KLRG1: variants seen among roughly 807,000 people sequenced by gnomAD.
KLRG1 encodes the protein killer cell lectin-like receptor subfamily G member 1.
Under a neutral mutation model 21.8 loss-of-function variants are expected in KLRG1, and 16 were observed. That is an observed-to-expected ratio of 0.73 (90% CI 0.50 to 1.11). The LOEUF (loss-of-function observed/expected upper bound fraction) is 1.11. Ranked by LOEUF, KLRG1 falls within the 50% of genes most tolerant of loss-of-function variation. KLRG1 has a pLI of 0.00. For missense variants in KLRG1, 173 were observed against 218.3 expected, an observed-to-expected ratio of 0.79 and a Z score of 1.31; for synonymous variants, 69 against 75.9, an observed-to-expected ratio of 0.91 and a Z score of 0.47.
At chr12:8,974,813 T>C (rs976626843) in intron 1 of KLRG1, among the ~76,000 whole-genome samples, 1 of 152,092 alleles carries the variant, frequency 6.6e-6, no homozygotes, top group African/African-American at 2.4e-5. Flanking sequence ...ATCAGGGACA[T>C]TTGTCTGTAG....
chr12:9,186,086 A>G, the KLRG1 span, among the ~76,000 whole-genome samples: 15 of 152,196 alleles, frequency 9.9e-5, no homozygotes, highest in South Asian at 4.2e-4. Flanking sequence ...GATTACAGGT[A>G]TGAGCCACTG....
At chr12:9,017,780 G>T in the KLRG1 span, among the ~76,000 whole-genome samples, 986 of 152,314 alleles carry the variant, frequency 6.5e-3, 15 homozygotes, top group African/African-American at 0.022. Context: ...TCAGACAAGA[G>T]AAAGGAATGA....
chr12:9,164,006 A>G, the KLRG1 span: 2 of 1,343,998 alleles, frequency 1.5e-6, no homozygotes, highest in Non-Finnish European at 2.0e-6. Flanking sequence ...GTGGATAGAA[A>G]TAGGAAAAAA....
chr12:9,141,069 G>T, the KLRG1 span, among the ~76,000 whole-genome samples: 1 of 152,158 alleles, frequency 6.6e-6, no homozygotes, highest in African/African-American at 2.4e-5. Context: ...GTTTATGGAT[G>T]ACAAAAAGTT....
chr12:9,040,257 C>T, the KLRG1 span, among the ~76,000 whole-genome samples: 6 of 152,168 alleles, frequency 3.9e-5, no homozygotes, highest in East Asian at 3.9e-4. Context: ...TGTCTGTCCT[C>T]GAACAATAGT....
chr12:9,107,996 A>G, the KLRG1 span, among the ~76,000 whole-genome samples: 1 of 152,068 alleles, frequency 6.6e-6, no homozygotes, highest in South Asian at 2.1e-4. Context: ...AAAAACCCAA[A>G]CGCCCTCAAG....
chr12:9,098,061 T>A, the KLRG1 span, among the ~76,000 whole-genome samples: 2 of 152,234 alleles, frequency 1.3e-5, no homozygotes, highest in Admixed American at 1.3e-4. Context: ...ACTGGTTGCA[T>A]GGAGCTCTGG....
the KLRG1 span, chr12:9,166,114 T>G: frequency 1.2e-6 from 2 of 1,613,698 alleles, no homozygotes; most frequent in Non-Finnish European, 1.7e-6. Context: ...TTTCAGGGAC[T>G]GGCCCTGAAC....
At chr12:9,149,659 GC>G in the KLRG1 span, 2 of 1,555,478 alleles carry the variant, frequency 1.3e-6, no homozygotes, top group African/African-American at 2.7e-5. Context: ...TAGGGACCAT[GC>G]TAAATCTGTC....
At chr12:9,172,059 A>G in the KLRG1 span, among the ~76,000 whole-genome samples, 140 of 152,284 alleles carry the variant, frequency 9.2e-4, 1 homozygote, top group African/African-American at 3.1e-3. Context: ...CCAATGCCAA[A>G]ATGAAAGAAA....
chr12:9,134,153 C>T, the KLRG1 span, among the ~76,000 whole-genome samples: 1 of 152,130 alleles, frequency 6.6e-6, no homozygotes, highest in African/African-American at 2.4e-5. Flanking sequence ...GTCTTGGTCT[C>T]AATAACTATC....
At chr12:9,202,929 G>C in the KLRG1 span, among the ~76,000 whole-genome samples, 1 of 152,112 alleles carries the variant, frequency 6.6e-6, no homozygotes, top group Non-Finnish European at 1.5e-5. Context: ...TAAATTAGAT[G>C]CCTTTTAACT....
the KLRG1 span, chr12:9,202,386 C>T: frequency 6.2e-7 from 1 of 1,614,058 alleles, no homozygotes. Context: ...AAAAGTAGTT[C>T]TCCGATAAGA....
At chr12:9,137,262 T>C in the KLRG1 span, among the ~76,000 whole-genome samples, 4 of 152,170 alleles carry the variant, frequency 2.6e-5, no homozygotes, top group African/African-American at 9.6e-5. Context: ...TACAGTTTTC[T>C]CCACACCATT....
At chr12:9,127,406 T>A in the KLRG1 span, among the ~76,000 whole-genome samples, 1 of 152,294 alleles carries the variant, frequency 6.6e-6, no homozygotes, top group Admixed American at 6.5e-5. Context: ...TTGGGTCCCC[T>A]CATAGCACAA....
chr12:9,106,276 A>G, the KLRG1 span: 1 of 1,613,534 alleles, frequency 6.2e-7, no homozygotes, highest in Non-Finnish European at 8.5e-7. Flanking sequence ...GTGTGAGTCC[A>G]CTTTCACAAA....
At chr12:8,999,210 G>T (rs752987306) in intron 3 of KLRG1, among the ~76,000 whole-genome samples, 6 of 152,046 alleles carry the variant, frequency 3.9e-5, no homozygotes, top group Non-Finnish European at 7.4e-5. Flanking sequence ...TCAAATTCTT[G>T]ATTTTTCTTG....
the KLRG1 span, among the ~76,000 whole-genome samples, chr12:9,124,786 G>A: frequency 6.6e-6 from 1 of 152,224 alleles, no homozygotes; most frequent in South Asian, 2.1e-4. Flanking sequence ...GAATGGCAGC[G>A]GGAGGCAGGC....
chr12:9,108,438 T>G, the KLRG1 span, among the ~76,000 whole-genome samples: 1 of 152,236 alleles, frequency 6.6e-6, no homozygotes, highest in Admixed American at 6.5e-5. Flanking sequence ...TTTACTTTTT[T>G]ACAAAAGTGG....
Sources: allele counts gnomAD v4.1 joint callset (sites outside exome capture counted in the v4.1 genomes callset), GRCh38; gene constraint gnomAD v4.1.1; transcripts MANE v1.5; gene names NCBI Gene and HGNC (gene_info 2026-07-23, HGNC 2026-07-21).